Variants in SEPTIN4 observed in about 807,000 individuals in gnomAD.
SEPTIN4 encodes the protein septin-4.
SEPTIN4 carries 52 observed loss-of-function variants against 107.1 expected under a neutral mutation model. The observed-to-expected ratio is 0.49, with a 90% CI of 0.39 to 0.61. SEPTIN4 has a LOEUF of 0.61. SEPTIN4 is among the 20% of genes least tolerant of loss of function. The pLI is 0.00. For synonymous variants in SEPTIN4, 417 were observed against 467.0 expected, an observed-to-expected ratio of 0.89 and a Z score of 1.38; for missense variants, 1,048 against 1,243.5, an observed-to-expected ratio of 0.84 and a Z score of 2.36.
chr17:58,541,759 G>A, intron 2 of SEPTIN4, 163 bp downstream of exon 2: 1 of 1,581,324 alleles, frequency 6.3e-7, no homozygotes. Flanking sequence ...CTCTAATGGT[G>A]AAATTTTCAG....
chr17:58,529,387 T>A, intron 3 of SEPTIN4: 1 of 1,427,886 alleles, frequency 7.0e-7, no homozygotes, highest in Non-Finnish European at 9.2e-7. Flanking sequence ...CTCCTCCCCT[T>A]CCCTTGGCTC....
Position 58,543,448 on chromosome 17 carries a change from C to A in SEPTIN4, c.739G>T (p.Glu247Ter), listed in dbSNP as rs1274640851. ...QTAQRRVPVEESETGPYGPIP... is the reference protein window; with the variant it reads ...QTAQRRVPVE ...GGACCGTAAGGACCTGTTTCTGATT[C>A]TTCTACAGGGACCCTTCTCTGGGCT... Residue 247 changes from glutamate (E) to a stop codon, truncating the protein, a stop_gained, in exon 1 of 14, where the codon GAA becomes TAA. Coordinates refer to ENST00000672673, the MANE Select transcript of SEPTIN4 (RefSeq NM_001368771.2). LOFTEE classifies it high-confidence loss of function. 6 of 1,614,164 alleles carry A rather than the reference C, an allele frequency of 3.7e-6. No homozygotes were observed. Among genetic ancestry groups the A allele is most frequent in the Non-Finnish European group, 5.1e-6 (6 of 1,180,024 alleles).
Position 58,543,463 on chromosome 17 carries a change from T to C in SEPTIN4, c.724A>G (p.Arg242Gly). 4 of 1,614,222 alleles carry C rather than the reference T, an allele frequency of 2.5e-6. No individual in the cohort carries two copies. Among genetic ancestry groups the C allele is most frequent in the Non-Finnish European group, 2.5e-6 (3 of 1,180,024 alleles). Reference protein sequence around the residue: ...VSADYQTAQRRVPVEESETGP... With the variant: ...VSADYQTAQRGVPVEESETGP... ...GTTTCTGATTCTTCTACAGGGACCC[T>C]TCTCTGGGCTGTCTGATAGTCTGCA... Residue 242 changes from arginine (R) to glycine (G), a missense_variant, in exon 1 of 14, where the codon AGG becomes GGG. Arg to Gly is a moderately radical substitution (Grantham distance 125). This residue lies in a region of SEPTIN4 where 787 missense variants were observed against 871.8 expected (regional missense o/e 0.90). Coordinates refer to ENST00000672673, the MANE Select transcript of SEPTIN4 (RefSeq NM_001368771.2).
Position 58,541,988 on chromosome 17 carries a change from T to A in SEPTIN4, c.1562-22A>T, listed in dbSNP as rs368028590. 5 of 1,611,994 alleles carry A rather than the reference T, an allele frequency of 3.1e-6. No individual in the cohort carries two copies. The South Asian group carries it at 5.5e-5, about 18-fold the overall frequency. ...ACATCTGAAAGTAACAGAGAGATGG[T>A]TGCTTTTCTTCTCTCTGTGGGATGC... On this transcript the variant is annotated intron_variant, in intron 1 of 13. Coordinates refer to ENST00000672673, the MANE Select transcript of SEPTIN4 (RefSeq NM_001368771.2).
Position 58,521,498 on chromosome 17 carries a change from A to G in SEPTIN4, c.2571+47T>C. ...ATATAGAATTCTACTCCCTTTTTCT[A>G]CCCGGAAGAAATAAGATAGGAATGG... On this transcript the variant is annotated intron_variant, in intron 10 of 13. Coordinates refer to ENST00000672673, the MANE Select transcript of SEPTIN4 (RefSeq NM_001368771.2). This position sits in a 1 kb window ranked among gnomAD's most constrained non-coding sequence, Gnocchi z 6.4. The G allele has an allele frequency of 6.2e-7, 1 of 1,600,082 alleles. No individual in the cohort carries two copies. The highest frequency in any genetic ancestry group is 1.3e-5 in the African/African-American group (1 of 74,512).
chr17:58,525,123 A>G lies in SEPTIN4; in HGVS notation c.2171T>C (p.Ile724Thr). The change falls in exon 7 of 14, where the codon ATT (isoleucine) becomes ACT (threonine). Residue 724 changes from isoleucine to threonine, a missense_variant. Ile to Thr is a moderately conservative substitution (Grantham distance 89). This residue lies in a region of SEPTIN4 where 261 missense variants were observed against 371.7 expected (regional missense o/e 0.70). Coordinates refer to ENST00000672673, the MANE Select transcript of SEPTIN4 (RefSeq NM_001368771.2). ...EEKGVRLRLT[I>T]VDTPGFGDAV... is the part of the protein sequence containing the mutation. ...ATCCCCAAAACCTGGTGTGTCCACA[A>G]TGGTGAGCCGCAGCCTCACACCCTT... is the stretch of plus-strand genomic sequence containing the variant. 1 of 1,614,208 alleles carries G rather than the reference A, an allele frequency of 6.2e-7. No individual in the cohort carries two copies. Among genetic ancestry groups the G allele is most frequent in the South Asian group, 1.1e-5 (1 of 91,088 alleles).
Position 58,543,528 on chromosome 17 carries a change from C to G in SEPTIN4, c.659G>C (p.Arg220Thr), listed in dbSNP as rs756141339. Residue 220 changes from arginine to threonine, a missense_variant, in exon 1 of 14, where the codon AGG (arginine) becomes ACG (threonine). Arg to Thr is a moderately conservative substitution (Grantham distance 71, BLOSUM62 -1). Transcript: ENST00000672673. ...TCCGTGCTCTAGGAGAGAGGGACTC[C>G]TTGGAGATCTGATCTCACTAGTAGT... ...ITTTSEIRSP[R>T]SPSLLEHGSS... The G allele has an allele frequency of 6.2e-7, 1 of 1,614,162 alleles. No individual in the cohort carries two copies. The highest frequency in any genetic ancestry group is 8.5e-7 in the Non-Finnish European group (1 of 1,180,016).
In SEPTIN4 at chr17:58,540,680, T is replaced by C; in HGVS notation, c.1607-7A>G. 7.4e-7 allele frequency: 1 copy of C among 1,354,064 alleles called. No individual in the cohort carries two copies. The highest frequency in any genetic ancestry group is 9.5e-7 in the Non-Finnish European group (1 of 1,057,986). 83.9% of individuals were successfully genotyped at this position (1,354,064 alleles called of 1,614,324 possible). On this transcript the variant is annotated splice_region_variant and splice_polypyrimidine_tract_variant and intron_variant, in intron 2 of 13. Transcript: ENST00000672673. ...GGCATTCTTACCTCCTCATCTGTCATAACAGAGTAGAAGCCAGGCATTCCC... is the reference window on the plus strand; with the variant it reads ...GGCATTCTTACCTCCTCATCTGTCACAACAGAGTAGAAGCCAGGCATTCCC...
In SEPTIN4 at chr17:58,544,092, C is replaced by A; in HGVS notation, c.95G>T (p.Gly32Val). 2 of 1,614,074 alleles carry A rather than the reference C, an allele frequency of 1.2e-6. No homozygotes were observed. Among genetic ancestry groups the A allele is most frequent in the Non-Finnish European group, 1.7e-6 (2 of 1,180,004 alleles). ...TCGATGGCTTGAGGCAAGAACGTAC[C>A]CATGTCCCTGCTGAGGGGATGTGTT... ...TTNTSPQQGH[G>V]YVLASSHRSA... Residue 32 changes from glycine to valine, a missense_variant, in exon 1 of 14, where the codon GGG becomes GTG. Physicochemically the swap from Gly to Val is moderately radical, Grantham distance 109 (BLOSUM62 -3). Around this residue, in one of 2 missense-constraint regions of SEPTIN4, gnomAD observed 787 missense variants for 871.8 expected, o/e 0.90. Coordinates refer to ENST00000672673, the MANE Select transcript of SEPTIN4 (RefSeq NM_001368771.2).
In SEPTIN4 at chr17:58,525,192, A is replaced by G. The variant is rs2042711536; in HGVS notation, c.2102T>C (p.Met701Thr). Residue 701 changes from methionine (M) to threonine (T), a missense_variant, in exon 7 of 14, where the codon ATG becomes ACG. Met to Thr is a moderately conservative substitution (Grantham distance 81). This residue lies in a region of SEPTIN4 where 787 missense variants were observed against 871.8 expected (regional missense o/e 0.90). Coordinates refer to ENST00000672673, the MANE Select transcript of SEPTIN4 (RefSeq NM_001368771.2). ...ATGCTTAGTGATCTCCACAGTTTGC[A>G]TGATCCTCTCTGGAGAAAGGGGAAA... Reference protein sequence around the residue: ...RKLLGAEERIMQTVEITKHAV... With the variant: ...RKLLGAEERITQTVEITKHAV... 1 of 1,613,882 alleles carries G rather than the reference A, an allele frequency of 6.2e-7. No homozygotes were observed. Among genetic ancestry groups the G allele is most frequent in the African/African-American group, 1.3e-5 (1 of 74,918 alleles).
In SEPTIN4 at chr17:58,544,032, C is replaced by T; in HGVS notation, c.155G>A (p.Arg52Lys). The change falls in exon 1 of 14, where the codon AGA becomes AAA. Residue 52 changes from arginine to lysine, a missense_variant. Transcript: ENST00000672673. ...AGTGGTGGGATGTGCAGCTTCTGAT[C>T]TTCGGTGGGAAGGGTTCAGGGAGAC... ...AAVSLNPSHR[R>K]SEAAHPTTPH... is the part of the protein sequence containing the mutation. 1 of 1,614,096 alleles carries T rather than the reference C, an allele frequency of 6.2e-7. No homozygotes were observed. The highest frequency in any genetic ancestry group is 8.5e-7 in the Non-Finnish European group (1 of 1,180,006).
intron 3 of SEPTIN4, chr17:58,531,853 C>G (rs772834293): frequency 3.1e-5 from 32 of 1,038,890 alleles, no homozygotes; most frequent in Non-Finnish European, 3.6e-5. Flanking sequence ...TCCCACCCTG[C>G]ACAGCCGCGG....
intron 3 of SEPTIN4, among the ~76,000 whole-genome samples, chr17:58,537,630 G>T (rs2144243197): frequency 6.6e-6 from 1 of 152,216 alleles, no homozygotes; most frequent in Non-Finnish European, 1.5e-5. Context: ...AGGAGTTCGA[G>T]ACCAGCCTGA....
At chr17:58,539,193 G>C in intron 3 of SEPTIN4, 1 of 1,533,412 alleles carries the variant, frequency 6.5e-7, no homozygotes, top group African/African-American at 1.4e-5. Flanking sequence ...CTCTGCTGCT[G>C]AACAGGGCTG....
Position 58,520,352 on chromosome 17 carries a change from G to T in SEPTIN4, c.*74C>A. 7.0e-7 allele frequency: 1 copy of T among 1,432,558 alleles called. No individual in the cohort carries two copies. Among genetic ancestry groups the T allele is most frequent in the Non-Finnish European group, 9.7e-7 (1 of 1,026,846 alleles). The allele number at this position is 1,432,558 out of a possible 1,614,324, so 88.7% of individuals were successfully genotyped here. Reference sequence around the variant, plus strand: ...GGCAGTAGCTGAAGGGGCCTGAGCAGAGCTGGTGCTGGGAGGGGCCGGCAT... The same window carrying T: ...GGCAGTAGCTGAAGGGGCCTGAGCATAGCTGGTGCTGGGAGGGGCCGGCAT... On this transcript the variant is annotated 3_prime_UTR_variant, in exon 14 of 14. Transcript: ENST00000672673.
chr17:58,532,232 C>G, intron 3 of SEPTIN4: 1 of 370,172 alleles, frequency 2.7e-6, no homozygotes, highest in Non-Finnish European at 3.9e-6. Context: ...GCAGAGTATG[C>G]AGAGTCACCC....
intron 3 of SEPTIN4, chr17:58,531,877 G>C: frequency 9.1e-7 from 1 of 1,096,300 alleles, no homozygotes; most frequent in South Asian, 4.4e-5. Flanking sequence ...CGGTGCCGCG[G>C]GTCCCCTTGC....
chr17:58,520,868 G>A (rs1189985808), intron 12 of SEPTIN4, 26 bp from the exon 13 acceptor site: 2 of 1,613,836 alleles, frequency 1.2e-6, no homozygotes, highest in Admixed American at 1.7e-5. Context: ...GGTTGATAAG[G>A]CGAGGAGGAC....
At chr17:58,542,104 C>T in intron 1 of SEPTIN4, 138 bp from the exon 2 acceptor site, 2 of 902,250 alleles carry the variant, frequency 2.2e-6, no homozygotes, top group South Asian at 1.7e-5. Flanking sequence ...CTCCAAGAAG[C>T]TCCTCCAGCC....
Sources: gnomAD v4.1 joint callset for allele counts (sites outside exome capture counted in the v4.1 genomes callset) on GRCh38, gnomAD v4.1.1 for gene constraint, gnomAD v4.1.1 regional missense constraint, Gnocchi (gnomAD v3.1) non-coding constraint, MANE v1.5 for transcripts, NCBI Gene and HGNC (gene_info 2026-07-23, HGNC 2026-07-21) for gene names.